ZFHX3: variants seen among roughly 807,000 people sequenced by gnomAD.
ZFHX3 encodes zinc finger homeobox protein 3.
ZFHX3 carries 42 observed loss-of-function variants against 279.1 expected under a neutral mutation model. The observed-to-expected ratio is 0.15, with a 90% CI of 0.12 to 0.19. ZFHX3 has a LOEUF of 0.19. Ranked by LOEUF, ZFHX3 falls within the 10% of genes least tolerant of loss-of-function variation. ZFHX3 has a pLI of 1.00. For missense variants in ZFHX3, 4,981 were observed against 4,754.0 expected (o/e 1.05, Z -1.40); for synonymous variants, 2,293 against 1,957.8 (o/e 1.17, Z -4.52).
At chr16:73,606,659 G>A (rs1239145673) in intron 2 of ZFHX3, among the ~76,000 whole-genome samples, 2 of 152,076 alleles carry the variant, frequency 1.3e-5, no homozygotes, top group African/African-American at 2.4e-5. Context: ...GCTGTTAGCT[G>A]CACCTATCAA....
intron 2 of ZFHX3, among the ~76,000 whole-genome samples, chr16:73,675,532 C>A (rs1193504524): frequency 3.3e-5 from 5 of 152,006 alleles, no homozygotes; most frequent in African/African-American, 9.7e-5. Flanking sequence ...GTGAATGAAA[C>A]TGATAGGATT....
chr16:72,974,468 G>T (rs148583863), intron 1 of ZFHX3, among the ~76,000 whole-genome samples: 55 of 151,988 alleles, frequency 3.6e-4, no homozygotes, highest in African/African-American at 1.1e-3. Flanking sequence ...AAAACCACTC[G>T]GTGGGCTCAC....
At chr16:73,063,569 T>C (rs1404502774), upstream of ZFHX3, among the ~76,000 whole-genome samples, 2 of 152,154 alleles carry the variant, frequency 1.3e-5, no homozygotes, top group Non-Finnish European at 1.5e-5. Flanking sequence ...TTGCTCTCAA[T>C]GCGCCAGACA....
At chr16:73,592,646 T>G (rs76703253) in intron 2 of ZFHX3, among the ~76,000 whole-genome samples, 2,763 of 152,244 alleles carry the variant, frequency 0.018, 97 homozygotes, top group East Asian at 0.11. Flanking sequence ...TGACCATATG[T>G]CAGTAACTGT....
intron 1 of ZFHX3, among the ~76,000 whole-genome samples, chr16:73,022,094 T>C (rs1001109340): frequency 1.3e-5 from 2 of 152,104 alleles, no homozygotes; most frequent in African/African-American, 4.8e-5. Context: ...TCATCCAAAA[T>C]ACTATAATGC....
intron 5 of ZFHX3, among the ~76,000 whole-genome samples, chr16:73,166,124 G>A (rs1967359519): frequency 6.6e-6 from 1 of 152,182 alleles, no homozygotes; most frequent in Non-Finnish European, 1.5e-5. Flanking sequence ...TTGGACCTAA[G>A]TAAATTATTC....
rs145080605 is a variant in ZFHX3 at position 72,886,099 on chromosome 16, C to G, written c.3448+3632G>C. On this transcript the variant is annotated intron_variant, in intron 4 of 9. Coordinates refer to ENST00000268489, the MANE Select transcript of ZFHX3 (RefSeq NM_006885.4). ...CCTTTCAAGTTTTGAAGAGCCAACCCCTGGGGAGAGGGAAGATACATCTTA... is the reference window on the plus strand; with the variant it reads ...CCTTTCAAGTTTTGAAGAGCCAACCGCTGGGGAGAGGGAAGATACATCTTA... Among the ~76,000 whole-genome samples the G allele has an allele frequency of 2.9e-4, 44 of 152,216 alleles. 1 individual carries two copies. The East Asian group carries it at 8.5e-3, about 29-fold the overall frequency.
At chr16:73,772,052 G>A (rs1273488117) in intron 1 of ZFHX3, among the ~76,000 whole-genome samples, 1 of 152,038 alleles carries the variant, frequency 6.6e-6, no homozygotes, top group Non-Finnish European at 1.5e-5. Context: ...TAAACTGTGG[G>A]GATGTGAGCC....
chr16:73,788,909 G>A (rs980268251), intron 1 of ZFHX3, among the ~76,000 whole-genome samples: 2 of 151,438 alleles, frequency 1.3e-5, no homozygotes, highest in East Asian at 3.9e-4. Flanking sequence ...GCCTCCCAAA[G>A]TGCTGGGATT....
chr16:73,578,888 A>G (rs2051827887), intron 2 of ZFHX3, among the ~76,000 whole-genome samples: 1 of 152,190 alleles, frequency 6.6e-6, no homozygotes, highest in African/African-American at 2.4e-5. Flanking sequence ...TAAGGCCCCC[A>G]GTCATCTGAA....
intron 3 of ZFHX3, among the ~76,000 whole-genome samples, chr16:73,343,338 C>A (rs1000097955): frequency 5.9e-5 from 9 of 152,106 alleles, no homozygotes; most frequent in African/African-American, 2.2e-4. Flanking sequence ...CCAAAAGAAT[C>A]CAGGACTCTT....
At chr16:73,329,622 G>A (rs536575927) in intron 3 of ZFHX3, among the ~76,000 whole-genome samples, 66 of 152,308 alleles carry the variant, frequency 4.3e-4, no homozygotes, top group Middle Eastern at 6.8e-3. Flanking sequence ...TGGTGCATAA[G>A]CAAGCCAGGC....
At position 73,460,109 on chromosome 16, in the gene ZFHX3, C is replaced by T. The variant is rs76023246; in HGVS notation, c.-1546-3851G>A. On this transcript the variant is annotated intron_variant, in intron 2 of 17. Transcript: ENST00000641206. The stretch of plus-strand genomic sequence containing the variant: ...AGGAGCTCTCCTTTGGGCCACACCC[C>T]CTTCCCTCCCATTCCCACTCTCTCC... Among the ~76,000 whole-genome samples the T allele has an allele frequency of 7.9e-4, 120 of 152,254 alleles. 1 individual carries two copies. The East Asian group carries it at 0.019, about 24-fold the overall frequency.
intron 3 of ZFHX3, among the ~76,000 whole-genome samples, chr16:73,428,810 G>C (rs2017858289): frequency 6.6e-6 from 1 of 152,086 alleles, no homozygotes; most frequent in African/African-American, 2.4e-5. Context: ...ATTCCAGAGG[G>C]TCTGAGGCCC....
At chr16:73,003,886 T>C (rs2144603720) in intron 1 of ZFHX3, among the ~76,000 whole-genome samples, 1 of 151,174 alleles carries the variant, frequency 6.6e-6, no homozygotes, top group African/African-American at 2.4e-5. Flanking sequence ...TACTGCCAAA[T>C]GATCCTCCAG....
At chr16:73,228,341 C>T (rs893236838) in intron 5 of ZFHX3, among the ~76,000 whole-genome samples, 4 of 152,064 alleles carry the variant, frequency 2.6e-5, no homozygotes, top group South Asian at 2.1e-4. Context: ...TTTTCTTTGA[C>T]CTAAAAGTTT....
At position 73,678,699 on chromosome 16, in the gene ZFHX3, A is replaced by T. The variant is rs2052979184; in HGVS notation, c.-1547+1481T>A. Among the ~76,000 whole-genome samples the T allele has an allele frequency of 3.9e-5, 6 of 152,308 alleles. No homozygotes were observed. In the South Asian group the frequency reaches 1.2e-3, roughly 32 times the overall value. On this transcript the variant is annotated intron_variant, in intron 2 of 17. Transcript: ENST00000641206. ...GCTATATGTCTGAAGGAAATATTAA[A>T]ACAAATAGCCCAGCACCACAGTGAT...
chr16:73,876,849 C>T (rs968158455), intron 1 of ZFHX3, among the ~76,000 whole-genome samples: 6 of 152,048 alleles, frequency 3.9e-5, no homozygotes, highest in African/African-American at 1.4e-4. Flanking sequence ...TCTCCACCAC[C>T]TTCACACACA....
intron 1 of ZFHX3, among the ~76,000 whole-genome samples, chr16:73,057,585 G>A (rs1380513561): frequency 1.3e-5 from 2 of 151,284 alleles, no homozygotes; most frequent in Non-Finnish European, 2.9e-5. Flanking sequence ...AAAGAAAAAA[G>A]GCATCCTCGG....
Sources: gnomAD v4.1 joint callset for allele counts (sites outside exome capture counted in the v4.1 genomes callset) on GRCh38, gnomAD v4.1.1 for gene constraint, MANE v1.5 for transcripts, NCBI Gene and HGNC (gene_info 2026-07-23, HGNC 2026-07-21) for gene names.